The following GOLGA4 variants were observed in gnomAD, a reference collection of about 807,000 sequenced individuals.
GOLGA4 encodes golgin subfamily A member 4.
A neutral mutation model predicts 265.9 loss-of-function variants in GOLGA4; 169 were observed. That is an observed-to-expected ratio of 0.64 (90% confidence interval 0.56 to 0.72). GOLGA4 has a LOEUF of 0.72. GOLGA4 is among the 30% of genes least tolerant of loss of function. GOLGA4 has a pLI of 0.00. For synonymous variants in GOLGA4, 923 were observed against 855.8 expected, an observed-to-expected ratio of 1.08 and a Z score of -1.37; for missense variants, 2,482 against 2,483.4, an observed-to-expected ratio of 1.00 and a Z score of 0.01.
intron 10 of GOLGA4, 93 bp from the exon 11 acceptor site, chr3:37,315,327 T>C: frequency 9.8e-7 from 1 of 1,024,428 alleles, no homozygotes. Context: ...ATCCTGCTAC[T>C]GCTGCTCTTA....
At chr3:37,302,872 A>G (rs2096896643) in intron 10 of GOLGA4, 1 of 152,484 alleles carries the variant, frequency 6.6e-6, no homozygotes, top group Non-Finnish European at 1.5e-5. Context: ...AAGTATAGAA[A>G]CCAGCATAGT....
intron 21 of GOLGA4, among the ~76,000 whole-genome samples, chr3:37,347,848 T>G (rs1237465320): frequency 6.6e-6 from 1 of 152,176 alleles, no homozygotes; most frequent in Non-Finnish European, 1.5e-5. Context: ...AAATGTAGAG[T>G]CTTGTCTTAT....
In GOLGA4 at chr3:37,315,616, A is replaced by G; in HGVS notation, c.1413+18A>G. On this transcript the variant is annotated intron_variant, in intron 11 of 23. Coordinates refer to ENST00000361924, the MANE Select transcript of GOLGA4 (RefSeq NM_002078.5). ...TAATGAAAGTAAGAATAATTCTGTA[A>G]TGAAATGGGCTACAACAAATTTGAA... 1 of 1,589,610 alleles carries G rather than the reference A, an allele frequency of 6.3e-7. No homozygotes were observed. The highest frequency in any genetic ancestry group is 1.3e-5 in the African/African-American group (1 of 74,520).
chr3:37,250,562 A>G (rs1389556899), intron 1 of GOLGA4: 1 of 152,206 alleles, frequency 6.6e-6, no homozygotes, highest in African/African-American at 2.4e-5. Flanking sequence ...TTTATTTGAC[A>G]AATATTTATT....
chr3:37,325,244 G>T lies in GOLGA4; in HGVS notation c.3358G>T (p.Ala1120Ser). 6.2e-7 allele frequency: 1 copy of T among 1,612,942 alleles called. No individual in the cohort carries two copies. The highest frequency in any genetic ancestry group is 8.5e-7 in the Non-Finnish European group (1 of 1,179,286). Residue 1120 changes from alanine to serine, a missense_variant, in exon 14 of 24, where the codon GCC becomes TCC. Ala to Ser is a moderately conservative substitution (Grantham distance 99). Coordinates refer to ENST00000361924, the MANE Select transcript of GOLGA4 (RefSeq NM_002078.5). The stretch of plus-strand genomic sequence containing the variant: ...ACAGGAACAGTTAAAGCAGAAGTCT[G>T]CCCATGTGAATTCTCTTGCACAAGA... Reference protein sequence around the residue: ...ELQEQLKQKSAHVNSLAQDET... With the variant: ...ELQEQLKQKSSHVNSLAQDET...
At position 37,324,030 on chromosome 3, in the gene GOLGA4, A is replaced by T. The variant is rs780523194; in HGVS notation, c.2144A>T (p.Asp715Val). 2 of 1,614,036 alleles carry T rather than the reference A, an allele frequency of 1.2e-6. No individual in the cohort carries two copies. Among genetic ancestry groups the T allele is most frequent in the Non-Finnish European group, 1.7e-6 (2 of 1,180,018 alleles). ...CTTTCTGTTCTGAAAGATCAAACAG[A>T]TAAAATGAAGCAGGAATTAGAGGCC... ...EELSVLKDQT[D>V]KMKQELEAKM... Residue 715 changes from aspartate (D) to valine (V), a missense_variant, in exon 14 of 24, where the codon GAT (aspartate) becomes GTT (valine). Asp to Val is a radical substitution (Grantham distance 152). Coordinates refer to ENST00000361924, the MANE Select transcript of GOLGA4 (RefSeq NM_002078.5).
At chr3:37,294,188 A>G (rs1433500517) in intron 5 of GOLGA4, among the ~76,000 whole-genome samples, 2 of 152,188 alleles carry the variant, frequency 1.3e-5, no homozygotes, top group Non-Finnish European at 2.9e-5. Flanking sequence ...CAGCATTTTA[A>G]CTAATTGCAG....
rs371388025 is a variant in GOLGA4, at chr3:37,333,574, A to C, written c.6193-1479A>C. ...GTCATATTAGAAACTGAGCCTGACT[A>C]AATAAGTAGCTATAGAGGTTATTCT... On this transcript the variant is annotated intron_variant, in intron 16 of 23. Transcript: ENST00000361924. 4.6e-5 allele frequency among the ~76,000 whole-genome samples: 7 copies of C among 152,322 alleles called. No homozygotes were observed. The East Asian group carries it at 9.6e-4, about 21-fold the overall frequency.
chr3:37,261,093 C>T (rs2096768641), intron 2 of GOLGA4, among the ~76,000 whole-genome samples: 2 of 151,752 alleles, frequency 1.3e-5, no homozygotes, highest in Admixed American at 6.5e-5. Context: ...ATTTTTTGAT[C>T]CCAGGAGGTC....
At chr3:37,347,852 G>A (rs569886861) in intron 21 of GOLGA4, among the ~76,000 whole-genome samples, 1 of 152,202 alleles carries the variant, frequency 6.6e-6, no homozygotes, top group East Asian at 1.9e-4. Flanking sequence ...GTAGAGTCTT[G>A]TCTTATTCTT....
At chr3:37,280,961 A>G (rs2096833140) in intron 2 of GOLGA4, among the ~76,000 whole-genome samples, 1 of 152,158 alleles carries the variant, frequency 6.6e-6, no homozygotes, top group African/African-American at 2.4e-5. Flanking sequence ...TAGACTGAAG[A>G]GAATCTTTTT....
At chr3:37,344,900 G>A (rs1446692509) in intron 20 of GOLGA4, among the ~76,000 whole-genome samples, 1 of 152,172 alleles carries the variant, frequency 6.6e-6, no homozygotes, top group African/African-American at 2.4e-5. Context: ...CAACATTTAT[G>A]TAGGTATTTA....
chr3:37,279,150 A>G (rs1466884684), intron 2 of GOLGA4, among the ~76,000 whole-genome samples: 1 of 152,200 alleles, frequency 6.6e-6, no homozygotes, highest in Non-Finnish European at 1.5e-5. Flanking sequence ...AGCACATCCT[A>G]GAGTTCTTAA....
intron 2 of GOLGA4, among the ~76,000 whole-genome samples, chr3:37,257,569 G>T (rs972771769): frequency 6.6e-6 from 1 of 151,986 alleles, no homozygotes; most frequent in Non-Finnish European, 1.5e-5. Context: ...TTAGGGACAG[G>T]CTTGGAAGAG....
chr3:37,281,704 A>G (rs2096835142), intron 2 of GOLGA4, among the ~76,000 whole-genome samples: 1 of 152,222 alleles, frequency 6.6e-6, no homozygotes, highest in Non-Finnish European at 1.5e-5. Context: ...ACTGAAGGAA[A>G]GTGACTTACT....
rs747358217 is a variant in GOLGA4, at chr3:37,327,313, C to A, written c.5427C>A (p.Ser1809=). 1 of 1,613,708 alleles carries A rather than the reference C, an allele frequency of 6.2e-7. No homozygotes were observed. The highest frequency in any genetic ancestry group is 1.1e-5 in the South Asian group (1 of 91,050). The change falls in exon 14 of 24, where the codon TCC becomes TCA. Residue 1809 remains serine, a synonymous_variant. Coordinates refer to ENST00000361924, the MANE Select transcript of GOLGA4 (RefSeq NM_002078.5). ...TTGAAGAAAAAAACAAGAAATATTC[C>A]TTGATAGTAGCCCAGCATGTGGAAA... ...EELEEKNKKY[S]LIVAQHVEKE... is the part of the protein sequence containing the mutation.
At chr3:37,356,112 T>C (rs933848682) in intron 22 of GOLGA4, among the ~76,000 whole-genome samples, 1 of 152,180 alleles carries the variant, frequency 6.6e-6, no homozygotes, top group African/African-American at 2.4e-5. Context: ...TTGATTCTCT[T>C]GAGCCCACAT....
chr3:37,276,736 A>C (rs1428490364), intron 2 of GOLGA4: 12 of 787,060 alleles, frequency 1.5e-5, no homozygotes, highest in Non-Finnish European at 2.4e-5. Context: ...TTGACCTAAC[A>C]TCCCTTCCTT....
At position 37,325,454 on chromosome 3, in the gene GOLGA4, T is replaced by C; in HGVS notation, c.3568T>C (p.Ser1190Pro). 6.2e-7 allele frequency: 1 copy of C among 1,611,596 alleles called. No individual in the cohort carries two copies. Among genetic ancestry groups the C allele is most frequent in the Non-Finnish European group, 8.5e-7 (1 of 1,179,290 alleles). The change falls in exon 14 of 24, where the codon TCT becomes CCT. Residue 1190 changes from serine to proline, a missense_variant. Physicochemically the swap from Ser to Pro is moderately conservative, Grantham distance 74. Transcript: ENST00000361924. Reference sequence around the variant, plus strand: ...AGATGAAGAATTCCAGAGTTTGAAATCTTCACATGAAAAAAGTAACAAAAG... The same window carrying C: ...AGATGAAGAATTCCAGAGTTTGAAACCTTCACATGAAAAAAGTAACAAAAG... ...TTDEEFQSLKSSHEKSNKSLE... is the reference protein window; with the variant it reads ...TTDEEFQSLKPSHEKSNKSLE...
Sources: gnomAD v4.1 joint callset for allele counts (sites outside exome capture counted in the v4.1 genomes callset) on GRCh38, gnomAD v4.1.1 for gene constraint, MANE v1.5 for transcripts, NCBI Gene and HGNC (gene_info 2026-07-23, HGNC 2026-07-21) for gene names.